The following JPH3 variants were observed in gnomAD, a reference collection of about 807,000 sequenced individuals.
JPH3 encodes junctophilin 3, also known as junctophilin-3.
In JPH3, 11 loss-of-function variants were observed where a neutral mutation model predicts 59.6. The observed-to-expected ratio is 0.18, with a 90% CI of 0.12 to 0.31. The LOEUF is 0.31. JPH3 is among the 10% of genes least tolerant of loss of function. The pLI is 1.00. For synonymous variants in JPH3, 673 were observed against 483.6 expected, an observed-to-expected ratio of 1.39 and a Z score of -5.14; for missense variants, 1,202 against 1,105.7, an observed-to-expected ratio of 1.09 and a Z score of -1.24.
chr16:87,603,598 C>T (rs1334582620), intron 1 of JPH3, 70 bp downstream of exon 1: 2 of 1,492,514 alleles, frequency 1.3e-6, no homozygotes, highest in Non-Finnish European at 1.8e-6. Context: ...TTCTGTGGAT[C>T]TCTGGGGAAG....
rs79947155 is a variant in JPH3, at chr16:87,615,232, G to T, written c.382+11704G>T. 6.8e-3 allele frequency among the ~76,000 whole-genome samples: 1,035 copies of T among 152,352 alleles called. 4 individuals are homozygous for T. Among genetic ancestry groups the T allele is most frequent in the Non-Finnish European group, 8.6e-3 (583 of 68,026 alleles). On this transcript the variant is annotated intron_variant, in intron 1 of 4. Transcript: ENST00000284262. ...CCTAAGCGTGCCCAGATTGATCTCA[G>T]TTTGCCCAGTGAGTAGAAAAATAGG...
chr16:87,604,098 C>G (rs945817585), intron 1 of JPH3: 3 of 1,309,028 alleles, frequency 2.3e-6, no homozygotes, highest in African/African-American at 3.0e-5. Context: ...GGTGGTTGGA[C>G]GCGGACTAGC....
intron 1 of JPH3, among the ~76,000 whole-genome samples, chr16:87,642,679 A>G (rs1220223819): frequency 1.3e-5 from 2 of 152,322 alleles, no homozygotes; most frequent in East Asian, 3.9e-4. Flanking sequence ...GGAGAAGCTC[A>G]AATGACAAAT....
At chr16:87,669,915 T>A (rs1290679313) in intron 2 of JPH3, among the ~76,000 whole-genome samples, 1 of 151,894 alleles carries the variant, frequency 6.6e-6, no homozygotes, top group African/African-American at 2.4e-5. Flanking sequence ...AGGGCCGGAC[T>A]GCACATGGGG....
chr16:87,627,778 A>T (rs1274185281), intron 1 of JPH3, among the ~76,000 whole-genome samples: 1 of 152,274 alleles, frequency 6.6e-6, no homozygotes, highest in East Asian at 1.9e-4. Context: ...GATTTGCCCG[A>T]CTTCCACCCA....
At chr16:87,661,568 C>G (rs2032704310) in intron 2 of JPH3, among the ~76,000 whole-genome samples, 1 of 152,220 alleles carries the variant, frequency 6.6e-6, no homozygotes, top group African/African-American at 2.4e-5. Context: ...TCCAGGGAGG[C>G]TGGGGGATGA....
At position 87,696,843 on chromosome 16, in the gene JPH3, T is replaced by G; in HGVS notation, c.*183T>G. Reference sequence around the variant, plus strand: ...TGCCTTTTTTTCTGGGTAATGTTTTTTGGATTTTAGCCAAAATTCTTTGCT... The same window carrying G: ...TGCCTTTTTTTCTGGGTAATGTTTTGTGGATTTTAGCCAAAATTCTTTGCT... On this transcript the variant is annotated 3_prime_UTR_variant, in exon 5 of 5. Coordinates refer to ENST00000284262, the MANE Select transcript of JPH3 (RefSeq NM_020655.4). 1 of 611,300 alleles carries G rather than the reference T, an allele frequency of 1.6e-6. No homozygotes were observed. Among genetic ancestry groups the G allele is most frequent in the Non-Finnish European group, 2.9e-6 (1 of 344,078 alleles). 37.9% of individuals were successfully genotyped at this position (611,300 alleles called of 1,614,324 possible).
At chr16:87,607,226 C>T (rs747341675) in intron 1 of JPH3, among the ~76,000 whole-genome samples, 6 of 152,228 alleles carry the variant, frequency 3.9e-5, no homozygotes, top group East Asian at 1.9e-4. Context: ...GGTGCTGCAC[C>T]GCACAGGTAT....
chr16:87,602,539 G>A lies in JPH3; in HGVS notation c.-608G>A, dbSNP rs1329441504. ...GCGAGCCGGGCCCGGAGCGCACGCC[G>A]CCGCCGCCACCGCCGCCGCCGCCGC... is the stretch of plus-strand genomic sequence containing the variant. On this transcript the variant is annotated 5_prime_UTR_variant, in exon 1 of 5. Coordinates refer to ENST00000284262, the MANE Select transcript of JPH3 (RefSeq NM_020655.4). Among the ~76,000 whole-genome samples the A allele has an allele frequency of 2.9e-5, 4 of 139,594 alleles. No individual in the cohort carries two copies. The highest frequency in any genetic ancestry group is 1.0e-4 in the African/African-American group (4 of 38,966). The allele number at this position is 139,594 out of a possible 152,430, so 91.6% of individuals were successfully genotyped here. A position where few individuals can be genotyped will look rare whatever the true frequency, so the allele number is the denominator to read the frequency against.
At chr16:87,613,397 T>A (rs1002432876) in intron 1 of JPH3, among the ~76,000 whole-genome samples, 1 of 152,010 alleles carries the variant, frequency 6.6e-6, no homozygotes, top group Non-Finnish European at 1.5e-5. Context: ...CTCAGCTCAC[T>A]GCAGCCTCTG....
chr16:87,650,161 G>A (rs542964300), intron 2 of JPH3, among the ~76,000 whole-genome samples: 3 of 152,314 alleles, frequency 2.0e-5, no homozygotes, highest in South Asian at 4.2e-4. Context: ...CCAACAGCAC[G>A]TGCTCACATC....
At chr16:87,681,329 C>A (rs1197941213) in intron 2 of JPH3, among the ~76,000 whole-genome samples, 1 of 147,494 alleles carries the variant, frequency 6.8e-6, no homozygotes, top group East Asian at 2.0e-4. Context: ...AGGTCAGGTG[C>A]GCGCGGTCGT....
intron 2 of JPH3, among the ~76,000 whole-genome samples, chr16:87,673,996 G>C (rs1366443090): frequency 6.6e-6 from 1 of 150,820 alleles, no homozygotes; most frequent in Non-Finnish European, 1.5e-5. Flanking sequence ...AGCTGTGTTT[G>C]CTGATATGGA....
intron 1 of JPH3, among the ~76,000 whole-genome samples, chr16:87,629,883 C>T (rs1597246275): frequency 6.6e-6 from 1 of 150,756 alleles, no homozygotes; most frequent in East Asian, 1.9e-4. Flanking sequence ...CCACAAGATG[C>T]TAATATCAGG....
chr16:87,649,789 A>ATGGC (rs2032272593), intron 2 of JPH3, among the ~76,000 whole-genome samples: 1 of 80,004 alleles, frequency 1.2e-5, no homozygotes, highest in African/African-American at 4.3e-5. Context: ...GGTGAAGGAG[A>ATGGC]CATCTCAAGT....
intron 1 of JPH3, among the ~76,000 whole-genome samples, chr16:87,636,951 T>C (rs2150839490): frequency 6.6e-6 from 1 of 152,240 alleles, no homozygotes; most frequent in South Asian, 2.1e-4. Flanking sequence ...CTGCCTGGTT[T>C]CAGGTCCACA....
At chr16:87,643,100 G>A (rs546554494) in intron 1 of JPH3, among the ~76,000 whole-genome samples, 8 of 152,206 alleles carry the variant, frequency 5.3e-5, no homozygotes, top group South Asian at 2.1e-4. Flanking sequence ...ATCTCTGAGC[G>A]TGACTACTCT....
chr16:87,604,347 AG>A, intron 1 of JPH3: 1 of 1,448,064 alleles, frequency 6.9e-7, no homozygotes, highest in Admixed American at 2.1e-5. Flanking sequence ...GTTTCTGTGC[AG>A]GGAACCTTGG....
At chr16:87,652,202 C>T (rs375031430) in intron 2 of JPH3, among the ~76,000 whole-genome samples, 162 of 152,254 alleles carry the variant, frequency 1.1e-3, no homozygotes, top group African/African-American at 3.8e-3. Context: ...GTCTCGATCT[C>T]CTGACCTCGA....
Sources: gnomAD v4.1 joint callset for allele counts (sites outside exome capture counted in the v4.1 genomes callset) on GRCh38, gnomAD v4.1.1 for gene constraint, MANE v1.5 for transcripts, NCBI Gene and HGNC (gene_info 2026-07-23, HGNC 2026-07-21) for gene names.